TRIM44: variants seen among roughly 807,000 people sequenced by gnomAD.
The protein encoded by TRIM44 is tripartite motif containing 44.
TRIM44 carries 13 observed loss-of-function variants against 37.4 expected under a neutral mutation model. That is an observed-to-expected ratio of 0.35 (90% CI 0.23 to 0.55). TRIM44 has a LOEUF of 0.55. Ranked by LOEUF, TRIM44 falls within the 20% of genes least tolerant of loss-of-function variation. The pLI is 0.89. For missense variants in TRIM44, 426 were observed against 437.2 expected (o/e 0.97, Z 0.23); for synonymous variants, 175 against 157.2 (o/e 1.11, Z -0.85).
At chr11:35,723,157 T>C (rs1462067404) in intron 2 of TRIM44, among the ~76,000 whole-genome samples, 2 of 152,048 alleles carry the variant, frequency 1.3e-5, no homozygotes, top group African/African-American at 4.8e-5. Flanking sequence ...TATAACTCTT[T>C]TGAAATGATG....
intron 4 of TRIM44, among the ~76,000 whole-genome samples, chr11:35,766,385 G>T (rs1852799236): frequency 6.6e-6 from 1 of 152,176 alleles, no homozygotes; most frequent in Admixed American, 6.5e-5. Context: ...CAAGGCCAGG[G>T]TAGAGCAGAA....
At chr11:35,686,992 AC>A (rs1851589502) in intron 2 of TRIM44, among the ~76,000 whole-genome samples, 1 of 152,134 alleles carries the variant, frequency 6.6e-6, no homozygotes, top group African/African-American at 2.4e-5. Flanking sequence ...ATTTAACAAC[AC>A]TGTAAAGTAG....
At chr11:35,757,919 C>T (rs1047019414) in intron 4 of TRIM44, among the ~76,000 whole-genome samples, 5 of 152,152 alleles carry the variant, frequency 3.3e-5, no homozygotes, top group African/African-American at 1.2e-4. Context: ...TTACTTCCCA[C>T]TATGCGGTCA....
intron 2 of TRIM44, among the ~76,000 whole-genome samples, chr11:35,699,557 C>T (rs1462387226): frequency 6.6e-6 from 1 of 152,004 alleles, no homozygotes; most frequent in Non-Finnish European, 1.5e-5. Context: ...CAGGGATGCC[C>T]TCTCTCACCA....
intron 4 of TRIM44, among the ~76,000 whole-genome samples, chr11:35,771,805 T>C (rs1852876168): frequency 1.3e-5 from 2 of 151,546 alleles, no homozygotes; most frequent in African/African-American, 4.8e-5. Context: ...AGCCTCACAA[T>C]GTGATAGAAA....
intron 4 of TRIM44, among the ~76,000 whole-genome samples, chr11:35,798,378 T>G (rs1420915749): frequency 6.6e-6 from 1 of 152,336 alleles, no homozygotes; most frequent in African/African-American, 2.4e-5. Flanking sequence ...TCCCTTTGGC[T>G]TAGTGATTTT....
intron 1 of TRIM44, among the ~76,000 whole-genome samples, chr11:35,667,211 A>C (rs1215319889): frequency 6.6e-6 from 1 of 152,116 alleles, no homozygotes; most frequent in Non-Finnish European, 1.5e-5. Context: ...CTTTTTTTGC[A>C]TCTTTTGGGA....
intron 4 of TRIM44, among the ~76,000 whole-genome samples, chr11:35,740,124 C>A (rs1335498505): frequency 1.4e-5 from 2 of 145,098 alleles, no homozygotes; most frequent in Non-Finnish European, 3.0e-5. Context: ...AAAAAAGGTA[C>A]CTTTGAAGCC....
At chr11:35,801,625 T>C (rs940235550) in intron 4 of TRIM44, among the ~76,000 whole-genome samples, 1 of 152,178 alleles carries the variant, frequency 6.6e-6, no homozygotes, top group Non-Finnish European at 1.5e-5. Context: ...ATATAATCAT[T>C]TTATCAGCAG....
chr11:35,716,428 C>T (rs1852040243), intron 2 of TRIM44, among the ~76,000 whole-genome samples: 1 of 151,894 alleles, frequency 6.6e-6, no homozygotes, highest in Admixed American at 6.6e-5. Flanking sequence ...AGTGGAGCCT[C>T]GAAGATGGGT....
In TRIM44 at chr11:35,667,169, C is replaced by T. The variant is rs574463594; in HGVS notation, c.669+3389C>T. On this transcript the variant is annotated intron_variant, in intron 1 of 4. Coordinates refer to ENST00000299413, the MANE Select transcript of TRIM44 (RefSeq NM_017583.6). ...TCTAGTCCTGGTTTGCTAAGTTTTT[C>T]TGAATTTTGATTGGTTATTTAATAT... is the stretch of plus-strand genomic sequence containing the variant. 1.5e-3 allele frequency among the ~76,000 whole-genome samples: 233 copies of T among 152,174 alleles called. 3 individuals are homozygous for T. The highest frequency in any genetic ancestry group is 1.7e-3 in the Non-Finnish European group (117 of 67,992).
At chr11:35,685,372 C>A (rs1464470978) in intron 2 of TRIM44, 36 bp downstream of exon 2, 1 of 1,566,392 alleles carries the variant, frequency 6.4e-7, no homozygotes, top group Non-Finnish European at 8.8e-7. Context: ...GTGTTGGTAC[C>A]CCAAGCATTT....
intron 4 of TRIM44, among the ~76,000 whole-genome samples, chr11:35,765,885 T>C (rs1213244267): frequency 6.6e-6 from 1 of 152,214 alleles, no homozygotes; most frequent in African/African-American, 2.4e-5. Context: ...CTTACTGTGT[T>C]TGTCGGAGAC....
chr11:35,776,517 C>T (rs1437499527), intron 4 of TRIM44, among the ~76,000 whole-genome samples: 1 of 152,154 alleles, frequency 6.6e-6, no homozygotes, highest in Non-Finnish European at 1.5e-5. Context: ...AATGTGCTTG[C>T]TCTTGCTTCT....
intron 2 of TRIM44, among the ~76,000 whole-genome samples, chr11:35,723,788 A>G (rs909380617): frequency 2.0e-5 from 3 of 152,206 alleles, no homozygotes; most frequent in African/African-American, 7.2e-5. Flanking sequence ...GTAGCCATTA[A>G]GAGAGTTTCT....
intron 4 of TRIM44, among the ~76,000 whole-genome samples, chr11:35,771,106 C>T (rs1030443268): frequency 6.6e-6 from 1 of 152,104 alleles, no homozygotes; most frequent in Non-Finnish European, 1.5e-5. Context: ...GAGGTTGGAA[C>T]AGTTTGGAGG....
intron 1 of TRIM44, among the ~76,000 whole-genome samples, chr11:35,670,017 T>C (rs1342525093): frequency 1.3e-5 from 2 of 151,966 alleles, no homozygotes; most frequent in Non-Finnish European, 2.9e-5. Context: ...GAGACCAGGT[T>C]TCACCATGTT....
chr11:35,712,050 C>T (rs1851981210), intron 2 of TRIM44, among the ~76,000 whole-genome samples: 1 of 152,084 alleles, frequency 6.6e-6, no homozygotes, highest in South Asian at 2.1e-4. Context: ...GTTCAGTCTC[C>T]ACTTTTGGGA....
At chr11:35,699,206 A>G (rs1275221400) in intron 2 of TRIM44, among the ~76,000 whole-genome samples, 1 of 151,960 alleles carries the variant, frequency 6.6e-6, no homozygotes, top group Non-Finnish European at 1.5e-5. Context: ...TATAGTTTGA[A>G]GTCAGGTAGC....
Sources: gnomAD v4.1 joint callset for allele counts (sites outside exome capture counted in the v4.1 genomes callset) on GRCh38, gnomAD v4.1.1 for gene constraint, MANE v1.5 for transcripts, NCBI Gene and HGNC (gene_info 2026-07-23, HGNC 2026-07-21) for gene names.